NCAM2: variants seen among roughly 807,000 people sequenced by gnomAD.
NCAM2 encodes neural cell adhesion molecule 2.
NCAM2 carries 30 observed loss-of-function variants against 98.1 expected under a neutral mutation model. The ratio of observed to expected loss-of-function variants is 0.31; its 90% CI spans 0.23 to 0.41. The LOEUF (loss-of-function observed/expected upper bound fraction) is 0.41. Ranked by LOEUF, NCAM2 falls within the 10% of genes least tolerant of loss-of-function variation. The probability of loss-of-function intolerance (pLI) is 1.00; values close to 1 mark genes in which losing one functional copy is unlikely to be tolerated. For missense variants in NCAM2, 867 were observed against 1,005.8 expected, an observed-to-expected ratio of 0.86 and a Z score of 1.87; for synonymous variants, 368 against 342.4, an observed-to-expected ratio of 1.07 and a Z score of -0.83.
At chr21:21,298,110 C>T (rs2073559033) in intron 5 of NCAM2, among the ~76,000 whole-genome samples, 1 of 151,604 alleles carries the variant, frequency 6.6e-6, no homozygotes, top group South Asian at 2.1e-4. Context: ...GTATTCCTAC[C>T]TATTTCTTGC....
At chr21:21,055,226 G>A (rs1372710483) in intron 1 of NCAM2, among the ~76,000 whole-genome samples, 5 of 151,900 alleles carry the variant, frequency 3.3e-5, no homozygotes, top group Admixed American at 6.6e-5. Context: ...AAACCAAGAA[G>A]CCACATGAAG....
chr21:21,507,516 A>G lies in NCAM2; in HGVS notation c.2078-1335A>G, dbSNP rs955362144. Among the ~76,000 whole-genome samples, 8 of 152,072 alleles carry G rather than the reference A, an allele frequency of 5.3e-5. No individual in the cohort carries two copies. The South Asian group carries it at 6.2e-4, about 12-fold the overall frequency. On this transcript the variant is annotated intron_variant, in intron 15 of 17. Coordinates refer to ENST00000400546, the MANE Select transcript of NCAM2 (RefSeq NM_004540.5). ...GTCATTAAAAAGACTAAACTGGGCT[A>G]GGCACGGTGGCTCATGCCTGTAATC...
chr21:21,324,092 A>G (rs2074446286), intron 5 of NCAM2, among the ~76,000 whole-genome samples: 2 of 152,208 alleles, frequency 1.3e-5, no homozygotes, highest in Non-Finnish European at 1.5e-5. Flanking sequence ...CAATGAATTG[A>G]TATAATTATT....
At chr21:21,031,119 A>C (rs1437660964) in intron 1 of NCAM2, among the ~76,000 whole-genome samples, 3 of 152,152 alleles carry the variant, frequency 2.0e-5, no homozygotes. Context: ...ATTTTTAAAT[A>C]ATCTTGGAGT....
intron 1 of NCAM2, among the ~76,000 whole-genome samples, chr21:21,250,816 G>A (rs1037111114): frequency 1.2e-4 from 18 of 152,162 alleles, no homozygotes; most frequent in African/African-American, 4.1e-4. Context: ...AGTGGTAAAG[G>A]ATGATCCTGG....
chr21:21,082,229 A>G (rs541384146), intron 1 of NCAM2, among the ~76,000 whole-genome samples: 1 of 150,100 alleles, frequency 6.7e-6, no homozygotes. Flanking sequence ...ATCCTTTAAA[A>G]AAAAAAAAAA....
intron 1 of NCAM2, among the ~76,000 whole-genome samples, chr21:21,221,383 T>C (rs2070147272): frequency 0.011 from 1 of 92 alleles, no homozygotes; most frequent in Non-Finnish European, 0.023. Flanking sequence ...AGGGAAGTCA[T>C]GTGAAAAAGA....
chr21:21,456,286 T>C (rs1982133358), intron 12 of NCAM2, among the ~76,000 whole-genome samples: 1 of 152,162 alleles, frequency 6.6e-6, no homozygotes, highest in African/African-American at 2.4e-5. Flanking sequence ...GGTACATGCA[T>C]CTTTACTACA....
At chr21:21,276,336 T>C (rs902706595) in intron 1 of NCAM2, among the ~76,000 whole-genome samples, 2 of 152,118 alleles carry the variant, frequency 1.3e-5, no homozygotes, top group Non-Finnish European at 2.9e-5. Flanking sequence ...CTTATGAGTA[T>C]AGTACATAAT....
intron 6 of NCAM2, 128 bp downstream of exon 6, chr21:21,324,628 G>T: frequency 1.4e-6 from 1 of 693,704 alleles, no homozygotes; most frequent in Admixed American, 2.5e-5. Context: ...AAAAATCCTG[G>T]TGCTATCTTT....
chr21:21,239,040 T>C (rs1285253215), intron 1 of NCAM2, among the ~76,000 whole-genome samples: 3 of 151,958 alleles, frequency 2.0e-5, no homozygotes, highest in Non-Finnish European at 2.9e-5. Context: ...TCAGCATTTA[T>C]TGAGCAATAA....
At chr21:21,088,409 G>A (rs1205386321) in intron 1 of NCAM2, among the ~76,000 whole-genome samples, 1 of 152,028 alleles carries the variant, frequency 6.6e-6, no homozygotes, top group African/African-American at 2.4e-5. Flanking sequence ...TGTGTATATG[G>A]CCGTAGGTTT....
chr21:21,132,301 G>A, intron 1 of NCAM2, among the ~76,000 whole-genome samples: 2 of 151,770 alleles, frequency 1.3e-5, no homozygotes, highest in East Asian at 3.9e-4. Context: ...TTCCTTATAA[G>A]AACCCTTGTG....
chr21:21,334,347 A>G (rs2074797633), intron 6 of NCAM2, among the ~76,000 whole-genome samples: 2 of 152,198 alleles, frequency 1.3e-5, no homozygotes, highest in African/African-American at 4.8e-5. Flanking sequence ...AATAAATTCT[A>G]TTGAGTATAG....
At chr21:21,195,060 T>C in intron 1 of NCAM2, among the ~76,000 whole-genome samples, 1 of 152,042 alleles carries the variant, frequency 6.6e-6, no homozygotes, top group East Asian at 1.9e-4. Flanking sequence ...ATGAAAGGAG[T>C]AGAGAAGATG....
At chr21:21,059,784 G>A (rs6518061) in intron 1 of NCAM2, among the ~76,000 whole-genome samples, 142,939 of 152,036 alleles carry the variant, frequency 0.94, 67,818 homozygotes, top group East Asian at 1. Flanking sequence ...CTGCACATGG[G>A]TGTTGGGGTG....
In NCAM2 at chr21:21,274,611, T is replaced by G. The variant is rs186442769; in HGVS notation, c.56-5967T>G. 3.3e-5 allele frequency among the ~76,000 whole-genome samples: 5 copies of G among 152,338 alleles called. No individual in the cohort carries two copies. The East Asian group carries it at 9.6e-4, about 29-fold the overall frequency. ...ATATGTTTCAATGAGAAAATTGTAT[T>G]CATTTGCTATAATCAATAATTTATA... On this transcript the variant is annotated intron_variant, in intron 1 of 17. Coordinates refer to ENST00000400546, the MANE Select transcript of NCAM2 (RefSeq NM_004540.5).
At chr21:21,418,996 G>C (rs2145959509) in intron 11 of NCAM2, among the ~76,000 whole-genome samples, 2 of 152,128 alleles carry the variant, frequency 1.3e-5, no homozygotes, top group South Asian at 4.1e-4. Flanking sequence ...CTGTAAATAT[G>C]TACAACAATT....
chr21:21,223,136 TCTTA>T (rs1401825624), intron 1 of NCAM2, among the ~76,000 whole-genome samples: 2 of 152,214 alleles, frequency 1.3e-5, no homozygotes, highest in African/African-American at 4.8e-5. Flanking sequence ...CTCTTAGTCC[TCTTA>T]CTATTTACTA....
Sources: gnomAD v4.1 joint callset for allele counts (sites outside exome capture counted in the v4.1 genomes callset) on GRCh38, gnomAD v4.1.1 for gene constraint, MANE v1.5 for transcripts, NCBI Gene and HGNC (gene_info 2026-07-23, HGNC 2026-07-21) for gene names.